Variants in FUBP3 observed in about 807,000 individuals in gnomAD.
FUBP3 encodes far upstream element binding protein 3.
In FUBP3, 28 loss-of-function variants were observed where a neutral mutation model predicts 85.6. The ratio of observed to expected loss-of-function variants is 0.33; its 90% CI spans 0.24 to 0.45. The LOEUF is 0.45. Ranked by LOEUF, FUBP3 falls within the 20% of genes least tolerant of loss-of-function variation. The pLI is 1.00. For synonymous variants in FUBP3, 271 were observed against 271.4 expected (o/e 1.00, Z 0.01); for missense variants, 583 against 755.1 (o/e 0.77, Z 2.67).
At chr9:130,618,481 G>A (rs868136830) in intron 8 of FUBP3, among the ~76,000 whole-genome samples, 2 of 152,252 alleles carry the variant, frequency 1.3e-5, no homozygotes, top group Admixed American at 6.5e-5. Context: ...GCTGCCAGGC[G>A]GGACAGCCCC....
At chr9:130,587,209 C>T (rs541505395) in intron 1 of FUBP3, among the ~76,000 whole-genome samples, 2 of 152,096 alleles carry the variant, frequency 1.3e-5, no homozygotes, top group African/African-American at 2.4e-5. Context: ...GGACTGCAGG[C>T]GTGCACCATC....
At position 130,603,326 on chromosome 9, in the gene FUBP3, G is replaced by A. The variant is rs113808195; in HGVS notation, c.191-6628G>A. On this transcript the variant is annotated intron_variant, in intron 2 of 18. Coordinates refer to ENST00000319725, the MANE Select transcript of FUBP3 (RefSeq NM_003934.2). ...CGTGTCACTGCACTCCAGCCTGGGC[G>A]ACAGAGCAAGACTCTGTCTCCAAAA... Among the ~76,000 whole-genome samples the A allele has an allele frequency of 5.7e-5, 7 of 121,844 alleles. No individual in the cohort carries two copies. The Middle Eastern group carries it at 0.02, about 353-fold the overall frequency. The allele number at this position is 121,844 out of a possible 152,430, so 79.9% of individuals were successfully genotyped here.
intron 3 of FUBP3, among the ~76,000 whole-genome samples, chr9:130,610,763 G>A (rs576709038): frequency 6.6e-6 from 1 of 152,230 alleles, no homozygotes; most frequent in South Asian, 2.1e-4. Flanking sequence ...CTTGTATTCT[G>A]CCTAGGTGTT....
intron 2 of FUBP3, among the ~76,000 whole-genome samples, chr9:130,603,134 G>A (rs369414935): frequency 3.3e-5 from 5 of 152,186 alleles, no homozygotes; most frequent in African/African-American, 9.6e-5. Flanking sequence ...ATCACCTGAG[G>A]TCAAGAGTTC....
rs555816554 is a variant in FUBP3, at chr9:130,624,473, AT to A, written c.975+764del. ...TGGGTCTTCACTAGAGACCCAGGCA[AT>A]TCTTAAGATTAGACAAGTTTATAAA... On this transcript the variant is annotated intron_variant, in intron 11 of 18. Transcript: ENST00000319725. 1.7e-4 allele frequency among the ~76,000 whole-genome samples: 26 copies of A among 152,324 alleles called. No individual in the cohort carries two copies. The East Asian group carries it at 4.3e-3, about 25-fold the overall frequency.
At chr9:130,580,346 A>G (rs570213811) in intron 1 of FUBP3, among the ~76,000 whole-genome samples, 7 of 152,194 alleles carry the variant, frequency 4.6e-5, no homozygotes, top group Non-Finnish European at 7.3e-5. Context: ...ATATGGCCTC[A>G]TTCCGACATT....
chr9:130,603,159 C>T (rs914661257), intron 2 of FUBP3, among the ~76,000 whole-genome samples: 4 of 151,974 alleles, frequency 2.6e-5, no homozygotes, highest in Non-Finnish European at 4.4e-5. Context: ...CCAGCCTGGC[C>T]AACATGGTAA....
At chr9:130,630,478 G>A in intron 12 of FUBP3, 150 bp from the exon 13 acceptor site, 1 of 519,018 alleles carries the variant, frequency 1.9e-6, no homozygotes, top group South Asian at 3.3e-5. Flanking sequence ...GAACCACTTT[G>A]GAGTAAATAG....
intron 2 of FUBP3, among the ~76,000 whole-genome samples, chr9:130,598,502 G>A (rs891872947): frequency 9.2e-5 from 14 of 152,210 alleles, no homozygotes; most frequent in Non-Finnish European, 7.3e-5. Context: ...TTGTTTTTAC[G>A]TTGCTGTCTC....
At chr9:130,597,319 C>T (rs1830921831) in intron 2 of FUBP3, among the ~76,000 whole-genome samples, 3 of 152,050 alleles carry the variant, frequency 2.0e-5, no homozygotes, top group Non-Finnish European at 2.9e-5. Context: ...ACTTTAACCT[C>T]GTAAAGGTTA....
At position 130,579,666 on chromosome 9, in the gene FUBP3, G is replaced by A. The variant is rs1162961811; in HGVS notation, c.-15G>A. On this transcript the variant is annotated 5_prime_UTR_variant, in exon 1 of 19. Transcript: ENST00000319725. ...GGCGGCGTCGGCGGCGGCGGCGACG[G>A]CGGCGGGGGCGGTAATGGCGGAGCT... 1 of 1,244,300 alleles carries A rather than the reference G, an allele frequency of 8.0e-7. No homozygotes were observed. The highest frequency in any genetic ancestry group is 1.5e-5 in the African/African-American group (1 of 64,678). 77.1% of individuals were successfully genotyped at this position (1,244,300 alleles called of 1,614,324 possible).
rs1475465779 is a variant in FUBP3 at position 130,616,946 on chromosome 9, C to G, written c.567+429C>G. ...CTTTGTGTGTCAAAAGGGGCAAGTG[C>G]AGGCTTCACTGTTGTGATGGAGCTA... On this transcript the variant is annotated intron_variant, in intron 7 of 18. Transcript: ENST00000319725. The surrounding 1 kb of genome is among the most constrained non-coding windows in gnomAD (Gnocchi z 4.7). Among the ~76,000 whole-genome samples the G allele has an allele frequency of 6.6e-6, 1 of 152,242 alleles. No individual in the cohort carries two copies. Among genetic ancestry groups the G allele is most frequent in the East Asian group, 1.9e-4 (1 of 5,192 alleles).
At chr9:130,587,571 T>C (rs1412772988) in intron 1 of FUBP3, among the ~76,000 whole-genome samples, 1 of 152,254 alleles carries the variant, frequency 6.6e-6, no homozygotes, top group Non-Finnish European at 1.5e-5. Flanking sequence ...AGGTGTTTAA[T>C]GAGCACCTTC....
chr9:130,592,471 T>TG (rs1564192897), intron 1 of FUBP3, among the ~76,000 whole-genome samples: 1 of 152,230 alleles, frequency 6.6e-6, no homozygotes, highest in Non-Finnish European at 1.5e-5. Flanking sequence ...AGGCTGAGTC[T>TG]GGCTTAGACT....
intron 1 of FUBP3, among the ~76,000 whole-genome samples, chr9:130,592,773 G>A (rs1200061883): frequency 6.6e-6 from 1 of 152,046 alleles, no homozygotes; most frequent in Admixed American, 6.5e-5. Flanking sequence ...AGAACTCCTG[G>A]CCTCAAGCAG....
At chr9:130,631,711 G>A (rs975144723) in intron 14 of FUBP3, 81 bp downstream of exon 14, 20 of 1,185,564 alleles carry the variant, frequency 1.7e-5, no homozygotes, top group South Asian at 1.0e-4. Context: ...TACTTCTAGC[G>A]AGTGCCAGCC....
In FUBP3 at chr9:130,620,805, G is replaced by C. The variant is rs1443047815; in HGVS notation, c.771+347G>C. Among the ~76,000 whole-genome samples the C allele has an allele frequency of 2.0e-5, 3 of 152,170 alleles. No homozygotes were observed. The East Asian group carries it at 5.8e-4, about 29-fold the overall frequency. ...TGTGTTTATTGATGAGGTTGCAATG[G>C]GGTCAGAATCTATCCTAGAGAATGA... is the stretch of plus-strand genomic sequence containing the variant. On this transcript the variant is annotated intron_variant, in intron 9 of 18. Transcript: ENST00000319725.
chr9:130,631,071 C>T (rs1008064879), intron 13 of FUBP3: 20 of 979,000 alleles, frequency 2.0e-5, no homozygotes, highest in African/African-American at 1.0e-4. Context: ...GCGGCTGGGG[C>T]GGCAGCCTCC....
rs377081991 is a variant in FUBP3 at position 130,636,097 on chromosome 9, A to T, written c.1681A>T (p.Thr561Ser). The T allele has an allele frequency of 2.5e-6, 4 of 1,613,592 alleles. No homozygotes were observed. The African/African-American group carries it at 5.3e-5, about 22-fold the overall frequency. The change falls in exon 18 of 19, where the codon ACG becomes TCG. Residue 561 changes from threonine (T) to serine (S), a missense_variant. Thr to Ser is a moderately conservative substitution (Grantham distance 58, BLOSUM62 1). This residue lies in a region of FUBP3 where 404 missense variants were observed against 516.8 expected (regional missense o/e 0.78). Transcript: ENST00000319725. Reference protein sequence around the residue: ...YRQQVAFYGQTLGQAQAHSQE... With the variant: ...YRQQVAFYGQSLGQAQAHSQE... ...ACAGCAGGTCGCTTTCTACGGACAG[A>T]CGTTAGGGCAGGCGCAGGCCCACAG...
Sources: allele counts gnomAD v4.1 joint callset (sites outside exome capture counted in the v4.1 genomes callset), GRCh38; gene constraint gnomAD v4.1.1; regional missense constraint gnomAD v4.1.1; non-coding constraint Gnocchi (gnomAD v3.1); transcripts MANE v1.5; gene names NCBI Gene and HGNC (gene_info 2026-07-23, HGNC 2026-07-21).